ANKRD30B: variants seen among roughly 807,000 people sequenced by gnomAD.
ANKRD30B encodes ankyrin repeat domain-containing protein 30B.
Under a neutral mutation model 202.2 loss-of-function variants are expected in ANKRD30B, and 144 were observed. That is an observed-to-expected ratio of 0.71 (90% CI 0.62 to 0.82). ANKRD30B has a LOEUF of 0.82. ANKRD30B is among the 40% of genes least tolerant of loss of function. ANKRD30B has a pLI of 0.00. For missense variants in ANKRD30B, 1,487 were observed against 1,669.1 expected (o/e 0.89, Z 1.90); for synonymous variants, 508 against 561.3 (o/e 0.91, Z 1.34).
the ANKRD30B span, among the ~76,000 whole-genome samples, chr18:14,936,655 A>G: frequency 6.6e-6 from 1 of 152,204 alleles, no homozygotes; most frequent in Non-Finnish European, 1.5e-5. Flanking sequence ...TGGGGCAGAC[A>G]ATAAGAAACA....
the ANKRD30B span, among the ~76,000 whole-genome samples, chr18:14,908,839 G>A: frequency 1.3e-5 from 2 of 152,172 alleles, no homozygotes; most frequent in African/African-American, 4.8e-5. Flanking sequence ...GGTATGGGAG[G>A]ATGTGGAGCT....
chr18:14,778,179 A>G (rs1967502039), intron 10 of ANKRD30B, 104 bp downstream of exon 10: 3 of 750,036 alleles, frequency 4.0e-6, no homozygotes, highest in Non-Finnish European at 6.7e-6. Flanking sequence ...TTTTAAATGC[A>G]TAACACGGAA....
At chr18:14,754,727 A>G (rs1914053884) in intron 3 of ANKRD30B, among the ~76,000 whole-genome samples, 172 bp from the exon 4 acceptor site, 1 of 152,138 alleles carries the variant, frequency 6.6e-6, no homozygotes, top group African/African-American at 2.4e-5. Context: ...TTTACAAGGG[A>G]AGGTGCAGTG....
At chr18:14,933,303 A>G in the ANKRD30B span, among the ~76,000 whole-genome samples, 1 of 152,200 alleles carries the variant, frequency 6.6e-6, no homozygotes. Flanking sequence ...AGCCTGATGC[A>G]GCTCTGACCT....
At chr18:14,815,608 G>A (rs1052583934) in intron 30 of ANKRD30B, among the ~76,000 whole-genome samples, 24 of 152,246 alleles carry the variant, frequency 1.6e-4, no homozygotes, top group African/African-American at 4.1e-4. Context: ...AGGAGAAAGC[G>A]TTATGTTGCT....
rs34105185 is a variant in ANKRD30B at position 14,815,327 on chromosome 18, G to A, written c.2641+616G>A. Among the ~76,000 whole-genome samples the A allele has an allele frequency of 9.2e-4, 135 of 146,742 alleles. 1 individual carries two copies. The highest frequency in any genetic ancestry group is 1.4e-3 in the Non-Finnish European group (94 of 66,904). On this transcript the variant is annotated intron_variant, in intron 30 of 43. Coordinates refer to ENST00000690538, the MANE Select transcript of ANKRD30B (RefSeq NM_001367607.2). ...TTGTCATATACACTCCGTATAGACC[G>A]TAAGTTTTCAAACTTTAGAAAACCG...
At chr18:14,922,421 C>T in the ANKRD30B span, among the ~76,000 whole-genome samples, 6 of 151,570 alleles carry the variant, frequency 4.0e-5, no homozygotes, top group African/African-American at 1.2e-4. Flanking sequence ...TTTGGGAGGC[C>T]GAGGCAGGTG....
intron 7 of ANKRD30B, among the ~76,000 whole-genome samples, chr18:14,765,773 C>T (rs975521784): frequency 6.6e-6 from 1 of 151,960 alleles, no homozygotes; most frequent in East Asian, 1.9e-4. Flanking sequence ...AATCTGTGGC[C>T]TAGTATCAGT....
chr18:14,905,900 C>T, the ANKRD30B span: 67 of 152,190 alleles, frequency 4.4e-4, no homozygotes, highest in African/African-American at 1.5e-3. Flanking sequence ...TTTGCCTAAA[C>T]TCCAAAAAAA....
chr18:14,906,627 T>C, the ANKRD30B span, among the ~76,000 whole-genome samples: 4 of 152,218 alleles, frequency 2.6e-5, no homozygotes, highest in South Asian at 8.3e-4. Flanking sequence ...CTCTTTTTTT[T>C]GCACACACAC....
intron 11 of ANKRD30B, among the ~76,000 whole-genome samples, chr18:14,781,608 T>TATATTTTGTTTGAAA (rs1967758563): frequency 4.6e-5 from 7 of 152,242 alleles, no homozygotes; most frequent in East Asian, 1.9e-4. Context: ...CAGTATGTAT[T>TATATTTTGTTTGAAA]TGCGGCAGCA....
chr18:14,875,713 C>T, the ANKRD30B span, among the ~76,000 whole-genome samples: 5 of 152,266 alleles, frequency 3.3e-5, no homozygotes, highest in Middle Eastern at 3.4e-3. Flanking sequence ...CTTGTTGGTT[C>T]GTTCCACCTG....
intron 7 of ANKRD30B, 39 bp downstream of exon 7, chr18:14,764,129 C>T (rs1457759465): frequency 6.8e-7 from 1 of 1,461,726 alleles, no homozygotes; most frequent in Middle Eastern, 1.8e-4. Flanking sequence ...TTTATTGGCA[C>T]TTTGGGTTCC....
chr18:14,856,524 T>A (rs1972112873), downstream of ANKRD30B, among the ~76,000 whole-genome samples: 2 of 121,980 alleles, frequency 1.6e-5, no homozygotes, highest in South Asian at 2.7e-4. Context: ...GCTCCTCACC[T>A]CCCAGATGAT....
intron 15 of ANKRD30B, among the ~76,000 whole-genome samples, chr18:14,790,853 T>C (rs930492976): frequency 6.6e-6 from 1 of 151,982 alleles, no homozygotes; most frequent in African/African-American, 2.4e-5. Flanking sequence ...AAAATTCTCT[T>C]TTTTTTGTTG....
chr18:14,818,443 G>A (rs1013998666), intron 30 of ANKRD30B, among the ~76,000 whole-genome samples: 27 of 151,506 alleles, frequency 1.8e-4, no homozygotes, highest in Non-Finnish European at 3.4e-4. Context: ...CATGTGCCAT[G>A]CTGGTGCGCT....
chr18:14,751,293 C>T (rs1913409193), intron 1 of ANKRD30B, among the ~76,000 whole-genome samples: 1 of 152,098 alleles, frequency 6.6e-6, no homozygotes, highest in East Asian at 1.9e-4. Context: ...TACTGTACTT[C>T]CCAACTGTAT....
chr18:14,806,204 G>C (rs1473309563), intron 24 of ANKRD30B, among the ~76,000 whole-genome samples: 2 of 142,910 alleles, frequency 1.4e-5, no homozygotes, highest in Non-Finnish European at 3.1e-5. Context: ...TGGGTGACAG[G>C]GCGAGACACC....
Position 14,780,007 on chromosome 18 carries a change from T to G in ANKRD30B, c.1468T>G (p.Ser490Ala). The change falls in exon 11 of 44, where the codon TCT becomes GCT. Residue 490 changes from serine to alanine, a missense_variant. Physicochemically the swap from Ser to Ala is moderately conservative, Grantham distance 99. Around this residue, in one of 6 missense-constraint regions of ANKRD30B, gnomAD observed 889 missense variants for 841.4 expected, o/e 1.06. Transcript: ENST00000690538. ...ESKREEDEEY[S>A]WDSGSLFESS... ...CAAACGAGAGGAAGATGAAGAATAT[T>G]CTTGGGATTCTGGGGTATTGTGTAT... The G allele has an allele frequency of 7.5e-6, 12 of 1,605,164 alleles. No homozygotes were observed. Among genetic ancestry groups the G allele is most frequent in the Non-Finnish European group, 1.0e-5 (12 of 1,173,766 alleles).
Sources: allele counts gnomAD v4.1 joint callset (sites outside exome capture counted in the v4.1 genomes callset), GRCh38; gene constraint gnomAD v4.1.1; regional missense constraint gnomAD v4.1.1; transcripts MANE v1.5; gene names NCBI Gene and HGNC (gene_info 2026-07-23, HGNC 2026-07-21).